The following JAK1 variants were observed in gnomAD, a reference collection of about 807,000 sequenced individuals.
JAK1 encodes the protein tyrosine-protein kinase JAK1.
In JAK1, 16 loss-of-function variants were observed where a neutral mutation model predicts 136.6. That is an observed-to-expected ratio of 0.12 (90% confidence interval 0.08 to 0.18). JAK1 has a LOEUF of 0.18. JAK1 is among the 10% of genes least tolerant of loss of function. The pLI is 1.00. For synonymous variants in JAK1, 492 were observed against 519.5 expected (o/e 0.95, Z 0.72); for missense variants, 859 against 1,450.1 (o/e 0.59, Z 6.62).
intron 2 of JAK1, among the ~76,000 whole-genome samples, chr1:65,043,731 T>C (rs1647157457): frequency 7.0e-6 from 1 of 142,750 alleles, no homozygotes; most frequent in East Asian, 2.1e-4. Flanking sequence ...TTTTTGCTTG[T>C]TTGTTTGTTT....
Position 64,886,309 on chromosome 1 carries a change from T to A in JAK1, c.-45A>T, listed in dbSNP as rs1644851861. The A allele has an allele frequency of 6.3e-7, 1 of 1,587,498 alleles. No homozygotes were observed. Among genetic ancestry groups the A allele is most frequent in the Non-Finnish European group, 8.5e-7 (1 of 1,170,780 alleles). ...TCTCCAAGAAGCAAACTGGATTTTC[T>A]TCTCTACTTTCCAAAGCTACTTCAG... On this transcript the variant is annotated 5_prime_UTR_variant, in exon 2 of 25. It adds an upstream start codon to the 5' untranslated region. Coordinates refer to ENST00000342505, the MANE Select transcript of JAK1 (RefSeq NM_002227.4).
At chr1:64,947,277 T>C (rs1327921144) in intron 1 of JAK1, among the ~76,000 whole-genome samples, 2 of 152,184 alleles carry the variant, frequency 1.3e-5, no homozygotes, top group African/African-American at 2.4e-5. Flanking sequence ...CTGACATCTG[T>C]TTTTATCTCT....
chr1:64,935,633 C>T (rs1645775773), intron 1 of JAK1, among the ~76,000 whole-genome samples: 1 of 152,188 alleles, frequency 6.6e-6, no homozygotes, highest in East Asian at 1.9e-4. Context: ...TCTCCAACAA[C>T]CTGTCCTCTT....
chr1:64,984,641 T>C lies in JAK1; in HGVS notation c.-78+59839A>G. On this transcript the variant is annotated intron_variant, in intron 2 of 25. Coordinates refer to the JAK1 transcript ENST00000671954. The surrounding 1 kb of genome is among the most constrained non-coding windows in gnomAD (Gnocchi z 4.1). The stretch of plus-strand genomic sequence containing the variant: ...GTGGTGGTCTCCTTAGCAGGCTGGA[T>C]ACTGTTCATCTCCATGACACAGTCC... 1 of 515,824 alleles carries C rather than the reference T, an allele frequency of 1.9e-6. No individual in the cohort carries two copies. The highest frequency in any genetic ancestry group is 3.7e-6 in the Non-Finnish European group (1 of 271,944). 32.0% of individuals were successfully genotyped at this position (515,824 alleles called of 1,614,324 possible). A position where few individuals can be genotyped will look rare whatever the true frequency, so the allele number is the denominator to read the frequency against.
chr1:64,894,322 C>A (rs1298990794), intron 1 of JAK1, among the ~76,000 whole-genome samples: 1 of 152,176 alleles, frequency 6.6e-6, no homozygotes, highest in Non-Finnish European at 1.5e-5. Flanking sequence ...CCTCCTTCAG[C>A]TTCCACAGCA....
intron 1 of JAK1, among the ~76,000 whole-genome samples, chr1:64,951,961 T>C (rs1209825019): frequency 6.6e-6 from 1 of 152,082 alleles, no homozygotes; most frequent in Non-Finnish European, 1.5e-5. Flanking sequence ...CAGGCACAAG[T>C]TCTGCCTTTT....
intron 1 of JAK1, among the ~76,000 whole-genome samples, chr1:64,900,632 T>C (rs571894515): frequency 2.7e-4 from 41 of 152,244 alleles, no homozygotes; most frequent in African/African-American, 9.4e-4. Context: ...CCCACTTATC[T>C]CCCAAATTAC....
intron 15 of JAK1, among the ~76,000 whole-genome samples, chr1:64,845,303 C>A (rs1050506115): frequency 2.0e-5 from 3 of 152,176 alleles, no homozygotes; most frequent in Non-Finnish European, 2.9e-5. Context: ...ACATTTCCCA[C>A]TAAACAGAAC....
At chr1:64,987,927 T>C (rs1646615233) in intron 2 of JAK1, among the ~76,000 whole-genome samples, 1 of 152,234 alleles carries the variant, frequency 6.6e-6, no homozygotes, top group South Asian at 2.1e-4. Flanking sequence ...TGCTGTATCT[T>C]GACTTTTCAG....
intron 9 of JAK1, among the ~76,000 whole-genome samples, chr1:64,859,303 T>G (rs1024368387): frequency 1.3e-5 from 2 of 152,192 alleles, no homozygotes; most frequent in African/African-American, 4.8e-5. Flanking sequence ...GTCAAAAGAA[T>G]CCCTGTTGTC....
chr1:64,988,402 C>T (rs1026413511), intron 2 of JAK1, among the ~76,000 whole-genome samples: 3 of 152,042 alleles, frequency 2.0e-5, no homozygotes, highest in African/African-American at 7.2e-5. Context: ...ATTCATTTAA[C>T]CATTTAATTA....
chr1:65,043,690 C>T (rs1337330512), intron 2 of JAK1, among the ~76,000 whole-genome samples: 2 of 146,896 alleles, frequency 1.4e-5, no homozygotes, highest in Non-Finnish European at 3.0e-5. Flanking sequence ...TGCACCACCA[C>T]ACCTGGCTAA....
intron 1 of JAK1, among the ~76,000 whole-genome samples, chr1:64,888,366 G>C (rs1644883778): frequency 6.6e-6 from 1 of 152,202 alleles, no homozygotes; most frequent in Admixed American, 6.5e-5. Context: ...ATTTTTAGTA[G>C]AGACAGGGTT....
At chr1:65,044,645 C>G (rs1346680319) in intron 1 of JAK1, among the ~76,000 whole-genome samples, 1 of 152,134 alleles carries the variant, frequency 6.6e-6, no homozygotes, top group Non-Finnish European at 1.5e-5. Context: ...AGAGTAGTTC[C>G]AATTTGGTCT....
intron 2 of JAK1, 34 bp from the exon 3 acceptor site, chr1:64,883,509 CTCTA>C: frequency 6.4e-7 from 1 of 1,572,526 alleles, no homozygotes; most frequent in Non-Finnish European, 8.7e-7. Flanking sequence ...TATGTGGTCA[CTCTA>C]TGTGCTAAAA....
At chr1:65,029,701 T>C (rs2100811038) in intron 2 of JAK1, among the ~76,000 whole-genome samples, 1 of 152,126 alleles carries the variant, frequency 6.6e-6, no homozygotes, top group East Asian at 1.9e-4. Flanking sequence ...AACAAACTAA[T>C]GAAGGAACAG....
rs544714037 is a variant in JAK1 at position 64,915,309 on chromosome 1, T to G, written c.-77-28968A>C. Among the ~76,000 whole-genome samples the G allele has an allele frequency of 1.1e-3, 164 of 152,156 alleles. 1 individual carries two copies. The highest frequency in any genetic ancestry group is 2.0e-3 in the Non-Finnish European group (137 of 68,018). ...GAAAAGAAGAGGAGAAAACTACAACTTTGGAAACTGGAAAGTAGTTGGATA... is the reference window on the plus strand; with the variant it reads ...GAAAAGAAGAGGAGAAAACTACAACGTTGGAAACTGGAAAGTAGTTGGATA... On this transcript the variant is annotated intron_variant, in intron 1 of 24. Transcript: ENST00000342505.
At chr1:65,050,111 C>T (rs909126119) in intron 1 of JAK1, among the ~76,000 whole-genome samples, 2 of 152,148 alleles carry the variant, frequency 1.3e-5, no homozygotes, top group Non-Finnish European at 2.9e-5. Flanking sequence ...GGGTTCTTCT[C>T]ACCCATACTT....
intron 1 of JAK1, among the ~76,000 whole-genome samples, chr1:64,892,713 GT>G (rs1460093723): frequency 6.6e-6 from 1 of 152,148 alleles, no homozygotes. Flanking sequence ...CCACATTCGA[GT>G]TTCACAGCCC....
Sources: allele counts gnomAD v4.1 joint callset (sites outside exome capture counted in the v4.1 genomes callset), GRCh38; gene constraint gnomAD v4.1.1; non-coding constraint Gnocchi (gnomAD v3.1); transcripts MANE v1.5; gene names NCBI Gene and HGNC (gene_info 2026-07-23, HGNC 2026-07-21).